RNF10: variants seen among roughly 807,000 people sequenced by gnomAD.
RNF10 encodes E3 ubiquitin-protein ligase RNF10.
RNF10 carries 38 observed loss-of-function variants against 91.4 expected under a neutral mutation model. The ratio of observed to expected loss-of-function variants is 0.42; its 90% CI spans 0.32 to 0.54. RNF10 has a LOEUF of 0.54. RNF10 is among the 20% of genes least tolerant of loss of function. The pLI is 0.16. For synonymous variants in RNF10, 364 were observed against 366.3 expected (o/e 0.99, Z 0.07); for missense variants, 945 against 1,012.0 (o/e 0.93, Z 0.90).
rs185565042 is a variant in RNF10 at position 120,571,367 on chromosome 12, C to G, written c.2142+76C>G. ...CTGCTCATTATTATGGGAACCTCCTCCAGGGATTGTTACCTCTCATTCTAA... is the reference window on the plus strand; with the variant it reads ...CTGCTCATTATTATGGGAACCTCCTGCAGGGATTGTTACCTCTCATTCTAA... On this transcript the variant is annotated intron_variant, in intron 14 of 16. Transcript: ENST00000325954. 8.9e-5 allele frequency: 94 copies of G among 1,061,042 alleles called. No individual in the cohort carries two copies. In the African/African-American group the frequency reaches 1.4e-3, roughly 16 times the overall value. The allele number at this position is 1,061,042 out of a possible 1,614,324, so 65.7% of individuals were successfully genotyped here.
intron 13 of RNF10, among the ~76,000 whole-genome samples, chr12:120,570,570 G>C (rs1353156380): frequency 1.3e-5 from 2 of 152,210 alleles, no homozygotes; most frequent in African/African-American, 4.8e-5. Flanking sequence ...GTGAGGGCCT[G>C]CTGCTGGGGG....
intron 10 of RNF10, among the ~76,000 whole-genome samples, chr12:120,564,583 G>A (rs1271332257): frequency 6.6e-6 from 1 of 152,136 alleles, no homozygotes; most frequent in Non-Finnish European, 1.5e-5. Flanking sequence ...TGGCCTGGGC[G>A]GCAGAGCAAG....
At chr12:120,556,564 A>C (rs1015063421) in intron 4 of RNF10, among the ~76,000 whole-genome samples, 24 of 148,496 alleles carry the variant, frequency 1.6e-4, no homozygotes, top group African/African-American at 6.0e-4. Flanking sequence ...AAAAGCTTGA[A>C]CTCTCACTAC....
intron 7 of RNF10, among the ~76,000 whole-genome samples, chr12:120,562,271 CTTT>C (rs71076634): frequency 4.0e-5 from 4 of 100,104 alleles, no homozygotes; most frequent in East Asian, 6.5e-4. Flanking sequence ...TTCTTTCTTT[CTTT>C]TTTTTTTTTT....
intron 14 of RNF10, among the ~76,000 whole-genome samples, chr12:120,572,675 A>C (rs1199435179): frequency 6.6e-6 from 1 of 151,560 alleles, no homozygotes; most frequent in African/African-American, 2.4e-5. Context: ...GGCTCACTGC[A>C]ACCACCGCCT....
At chr12:120,549,511 G>A (rs138470008) in intron 2 of RNF10, among the ~76,000 whole-genome samples, 65 of 152,260 alleles carry the variant, frequency 4.3e-4, no homozygotes, top group African/African-American at 1.4e-3. Context: ...GGGGCCGGGC[G>A]CAGTGGCTCA....
chr12:120,556,530 C>CAAAAAAAAAAAA (rs34889649), intron 4 of RNF10, among the ~76,000 whole-genome samples: 1 of 19,216 alleles, frequency 5.2e-5, no homozygotes, highest in African/African-American at 2.2e-4. Context: ...GACTCCGTCT[C>CAAAAAAAAAAAA]AAAAAAAAAA....
chr12:120,554,823 C>A lies in RNF10; in HGVS notation c.645+15C>A. 1 of 1,601,004 alleles carries A rather than the reference C, an allele frequency of 6.2e-7. No homozygotes were observed. The highest frequency in any genetic ancestry group is 8.6e-7 in the Non-Finnish European group (1 of 1,168,234). On this transcript the variant is annotated intron_variant, in intron 4 of 16. Transcript: ENST00000325954. The stretch of plus-strand genomic sequence containing the variant: ...TGGAACAAGTGGTGAGTAGCTCAGC[C>A]AAGCCCATAAGCTATGAATGGGAGC...
At chr12:120,560,230 C>T (rs983081802) in intron 6 of RNF10, among the ~76,000 whole-genome samples, 1 of 146,848 alleles carries the variant, frequency 6.8e-6, no homozygotes, top group Admixed American at 6.8e-5. Context: ...TGGCTCACTG[C>T]GACCTCTGCC....
At chr12:120,554,932 A>C (rs753290938) in intron 4 of RNF10, 124 bp downstream of exon 4, 29 of 765,462 alleles carry the variant, frequency 3.8e-5, no homozygotes, top group Non-Finnish European at 6.3e-5. Flanking sequence ...CTTTCTATAG[A>C]TGTTTCCCAG....
At chr12:120,559,668 C>T (rs1025874453) in intron 6 of RNF10, among the ~76,000 whole-genome samples, 2 of 151,700 alleles carry the variant, frequency 1.3e-5, no homozygotes, top group Admixed American at 1.3e-4. Context: ...CAGGTGTGAG[C>T]CACCGTACTC....
Position 120,568,242 on chromosome 12 carries a change from C to CA in RNF10, c.2041+1273dup, listed in dbSNP as rs938071852. 8.1e-4 allele frequency among the ~76,000 whole-genome samples: 107 copies of CA among 131,486 alleles called. 1 individual carries two copies. Among genetic ancestry groups the CA allele is most frequent in the Admixed American group, 1.0e-3 (13 of 12,916 alleles). 86.3% of individuals were successfully genotyped at this position (131,486 alleles called of 152,430 possible). A position where few individuals can be genotyped will look rare whatever the true frequency, so the allele number is the denominator to read the frequency against. On this transcript the variant is annotated intron_variant, in intron 13 of 16. Coordinates refer to ENST00000325954, the MANE Select transcript of RNF10 (RefSeq NM_014868.5). ...CCTGGGCAACACAGCCAGACCCTCT[C>CA]AAAAAAAAAAAGAAAAATACTGAGA...
chr12:120,543,284 A>G (rs887017694), intron 1 of RNF10, among the ~76,000 whole-genome samples: 1 of 152,204 alleles, frequency 6.6e-6, no homozygotes, highest in African/African-American at 2.4e-5. Flanking sequence ...AGGCCTGAGC[A>G]TAGGAATTCC....
chr12:120,571,496 C>T (rs571332935), intron 14 of RNF10, among the ~76,000 whole-genome samples: 1 of 152,160 alleles, frequency 6.6e-6, no homozygotes, highest in South Asian at 2.1e-4. Context: ...ATGTCATGGA[C>T]GTCCGCTCTG....
intron 3 of RNF10, 42 bp downstream of exon 3, chr12:120,552,740 C>T (rs751458516): frequency 1.3e-6 from 2 of 1,558,658 alleles, no homozygotes; most frequent in Non-Finnish European, 1.8e-6. Flanking sequence ...AAGTAGGACT[C>T]TCCGGATAGC....
intron 1 of RNF10, among the ~76,000 whole-genome samples, chr12:120,536,131 TTA>T (rs1870756636): frequency 1.3e-5 from 2 of 151,992 alleles, no homozygotes. Context: ...AAAAAACTGT[TTA>T]GAGTGAGACC....
chr12:120,565,013 C>T, intron 10 of RNF10, 59 bp from the exon 11 acceptor site: 6 of 1,141,754 alleles, frequency 5.3e-6, no homozygotes, highest in Non-Finnish European at 8.0e-6. Flanking sequence ...GGGGTTAGGA[C>T]CCCCTGCTTT....
intron 2 of RNF10, among the ~76,000 whole-genome samples, chr12:120,550,584 T>C (rs1019419190): frequency 2.0e-5 from 3 of 151,840 alleles, no homozygotes; most frequent in Admixed American, 1.3e-4. Context: ...GAATGTGGCG[T>C]TTTTTTGTTT....
At chr12:120,575,980 T>C in intron 16 of RNF10, 30 bp downstream of exon 16, 1 of 1,611,150 alleles carries the variant, frequency 6.2e-7, no homozygotes, top group Non-Finnish European at 8.5e-7. Flanking sequence ...TGCCCAGGGT[T>C]GTCAAACATA....
Sources: gnomAD v4.1 joint callset for allele counts (sites outside exome capture counted in the v4.1 genomes callset) on GRCh38, gnomAD v4.1.1 for gene constraint, MANE v1.5 for transcripts, NCBI Gene and HGNC (gene_info 2026-07-23, HGNC 2026-07-21) for gene names.